PTPRO: variants seen among roughly 807,000 people sequenced by gnomAD.
PTPRO encodes the protein receptor-type tyrosine-protein phosphatase O.
In PTPRO, 62 loss-of-function variants were observed where a neutral mutation model predicts 145.2. The observed-to-expected ratio is 0.43, with a 90% CI of 0.35 to 0.53. The LOEUF (loss-of-function observed/expected upper bound fraction) is 0.53. Ranked by LOEUF, PTPRO falls within the 20% of genes least tolerant of loss-of-function variation. The probability of loss-of-function intolerance (pLI) is 0.01; values close to 1 mark genes in which losing one functional copy is unlikely to be tolerated. For missense variants in PTPRO, 1,345 were observed against 1,482.7 expected (o/e 0.91, Z 1.53); for synonymous variants, 565 against 514.7 (o/e 1.10, Z -1.32).
intron 1 of PTPRO, among the ~76,000 whole-genome samples, chr12:15,345,503 C>A (rs1052201556): frequency 2.0e-5 from 3 of 152,002 alleles, no homozygotes; most frequent in African/African-American, 7.3e-5. Context: ...CAAACTGACA[C>A]AAGAACAGAA....
At chr12:15,478,057 T>G (rs1179080849) in intron 1 of PTPRO, among the ~76,000 whole-genome samples, 1 of 152,116 alleles carries the variant, frequency 6.6e-6, no homozygotes, top group Non-Finnish European at 1.5e-5. Context: ...GTTCCCTACA[T>G]TCTCAATTCA....
chr12:15,549,125 C>G lies in PTPRO; in HGVS notation c.2336C>G (p.Thr779Ser). The G allele has an allele frequency of 2.5e-6, 4 of 1,613,574 alleles. No homozygotes were observed. The highest frequency in any genetic ancestry group is 3.4e-6 in the Non-Finnish European group (4 of 1,179,684). Residue 779 changes from threonine to serine, a missense_variant, in exon 14 of 27, where the codon ACC (threonine) becomes AGC (serine). Thr to Ser is a moderately conservative substitution (Grantham distance 58, BLOSUM62 1). Transcript: ENST00000281171. ...GTTGCTGTTTCTTCCCATGTCGTGACCATCTCCAGCCTTCTTCCTGCCACT... is the reference window on the plus strand; with the variant it reads ...GTTGCTGTTTCTTCCCATGTCGTGAGCATCTCCAGCCTTCTTCCTGCCACT... ...EPVAVSSHVV[T>S]ISSLLPATAY...
chr12:15,488,614 A>T (rs575771629), intron 2 of PTPRO, among the ~76,000 whole-genome samples: 1 of 152,286 alleles, frequency 6.6e-6, no homozygotes, highest in Non-Finnish European at 1.5e-5. Context: ...GCAGTCATTT[A>T]TTGTGTGTTA....
At chr12:15,493,564 C>A (rs1011394040) in intron 2 of PTPRO, among the ~76,000 whole-genome samples, 1 of 152,076 alleles carries the variant, frequency 6.6e-6, no homozygotes, top group African/African-American at 2.4e-5. Flanking sequence ...AATCATTAAT[C>A]TCCATGAGCA....
At chr12:15,517,652 T>C (rs1591676813) in intron 9 of PTPRO, among the ~76,000 whole-genome samples, 1 of 152,120 alleles carries the variant, frequency 6.6e-6, no homozygotes, top group East Asian at 1.9e-4. Context: ...CTGTTCCAAA[T>C]GGGAAACATT....
chr12:15,566,851 C>T (rs1163194031), intron 18 of PTPRO, among the ~76,000 whole-genome samples: 1 of 152,132 alleles, frequency 6.6e-6, no homozygotes. Flanking sequence ...GCATACATTC[C>T]ACTGGCTTAT....
chr12:15,440,103 A>G, intron 1 of PTPRO: 1 of 632,144 alleles, frequency 1.6e-6, no homozygotes. Flanking sequence ...GTGCTGGTGC[A>G]CCTCATCCCT....
chr12:15,594,918 T>G lies in PTPRO; in HGVS notation c.3547-19T>G, dbSNP rs201773160. ...TTGCACATGTCTGCTCTGAAACCTG[T>G]TTTTGTCTTTTGTTCCAGGAGCAGT... On this transcript the variant is annotated intron_variant, in intron 25 of 26. Coordinates refer to ENST00000281171, the MANE Select transcript of PTPRO (RefSeq NM_030667.3). 50 of 1,583,440 alleles carry G rather than the reference T, an allele frequency of 3.2e-5. No individual in the cohort carries two copies. In the East Asian group the frequency reaches 1.1e-3, roughly 35 times the overall value.
rs955950258 is a variant in PTPRO at position 15,597,793 on chromosome 12, G to T, written c.*1720G>T. Among the ~76,000 whole-genome samples the T allele has an allele frequency of 6.6e-6, 1 of 152,054 alleles. No individual in the cohort carries two copies. The highest frequency in any genetic ancestry group is 1.5e-5 in the Non-Finnish European group (1 of 68,026). On this transcript the variant is annotated 3_prime_UTR_variant, in exon 27 of 27. Coordinates refer to ENST00000281171, the MANE Select transcript of PTPRO (RefSeq NM_030667.3). Reference sequence around the variant, plus strand: ...ACCTCCTCCTCTTCTTCTCACCCCCGACTCCTTTATTTCCCTTTTTGGACA... The same window carrying T: ...ACCTCCTCCTCTTCTTCTCACCCCCTACTCCTTTATTTCCCTTTTTGGACA...
At chr12:15,452,848 C>T (rs1448452106) in intron 1 of PTPRO, among the ~76,000 whole-genome samples, 1 of 152,096 alleles carries the variant, frequency 6.6e-6, no homozygotes, top group Non-Finnish European at 1.5e-5. Flanking sequence ...CATTACAACC[C>T]AGGAAACATA....
chr12:15,496,149 T>G (rs1339235249), intron 2 of PTPRO, among the ~76,000 whole-genome samples: 2,880 of 139,174 alleles, frequency 0.021, 109 homozygotes, highest in African/African-American at 0.071. Flanking sequence ...TTTGTTTTTT[T>G]TTTTTTTTTT....
chr12:15,515,366 GC>G lies in PTPRO; in HGVS notation c.1465-131del, dbSNP rs1942554711. ...ATCATCCTAATTTTGGAATCTGACA[GC>G]TTCAGTAAAGCCTTCTGGATTTCAA... is the stretch of plus-strand genomic sequence containing the variant. On this transcript the variant is annotated intron_variant, in intron 7 of 26. Transcript: ENST00000281171. 1.4e-5 allele frequency: 17 copies of G among 1,187,546 alleles called. No homozygotes were observed. In the South Asian group the frequency reaches 2.1e-4, roughly 15 times the overall value. The allele number at this position is 1,187,546 out of a possible 1,614,324, so 73.6% of individuals were successfully genotyped here.
At chr12:15,389,661 C>G (rs1474779130) in intron 1 of PTPRO, among the ~76,000 whole-genome samples, 2 of 152,176 alleles carry the variant, frequency 1.3e-5, no homozygotes, top group Non-Finnish European at 2.9e-5. Context: ...CCCATCCTTT[C>G]ACCTTAAATC....
chr12:15,482,472 G>A (rs921079585), intron 1 of PTPRO, among the ~76,000 whole-genome samples: 1 of 152,124 alleles, frequency 6.6e-6, no homozygotes, highest in Non-Finnish European at 1.5e-5. Context: ...ACTATAGGGG[G>A]ACTATATTGA....
intron 1 of PTPRO, among the ~76,000 whole-genome samples, chr12:15,331,360 G>A (rs1866603775): frequency 6.6e-6 from 1 of 152,152 alleles, no homozygotes; most frequent in Admixed American, 6.5e-5. Flanking sequence ...GAATAAAAAA[G>A]CAGCCCCTTA....
At chr12:15,519,042 A>G (rs1193815614) in intron 9 of PTPRO, among the ~76,000 whole-genome samples, 3 of 152,202 alleles carry the variant, frequency 2.0e-5, no homozygotes, top group Non-Finnish European at 2.9e-5. Flanking sequence ...TGCTGCTGAC[A>G]AAGACATACC....
chr12:15,407,115 T>C (rs991808745), intron 1 of PTPRO, among the ~76,000 whole-genome samples: 10 of 152,230 alleles, frequency 6.6e-5, no homozygotes, highest in Non-Finnish European at 1.0e-4. Context: ...AGAATGCTGC[T>C]GTTCCTCCAC....
chr12:15,584,609 G>T (rs1341320996), intron 23 of PTPRO, among the ~76,000 whole-genome samples: 1 of 152,164 alleles, frequency 6.6e-6, no homozygotes. Flanking sequence ...GAATTTACTT[G>T]TTACAAGCGT....
At chr12:15,447,770 G>C (rs181865220) in intron 1 of PTPRO, among the ~76,000 whole-genome samples, 1 of 152,036 alleles carries the variant, frequency 6.6e-6, no homozygotes, top group African/African-American at 2.4e-5. Context: ...GAACAAAAAG[G>C]ACAATTATAG....
Sources: gnomAD v4.1 joint callset for allele counts (sites outside exome capture counted in the v4.1 genomes callset) on GRCh38, gnomAD v4.1.1 for gene constraint, MANE v1.5 for transcripts, NCBI Gene and HGNC (gene_info 2026-07-23, HGNC 2026-07-21) for gene names.